IDE: variants seen among roughly 807,000 people sequenced by gnomAD.
The protein encoded by IDE is insulin-degrading enzyme.
In IDE, 58 loss-of-function variants were observed where a neutral mutation model predicts 133.2. That is an observed-to-expected ratio of 0.44 (90% CI 0.35 to 0.54). The LOEUF (loss-of-function observed/expected upper bound fraction) is 0.54, where lower values mean the gene tolerates loss of function less well. IDE is among the 20% of genes least tolerant of loss of function. The pLI, the probability that IDE is intolerant of heterozygous loss-of-function variation, is 0.00. For synonymous variants in IDE, 396 were observed against 421.3 expected (o/e 0.94, Z 0.73); for missense variants, 981 against 1,234.0 (o/e 0.79, Z 3.07).
intron 4 of IDE, among the ~76,000 whole-genome samples, chr10:92,524,149 T>G (rs556632813): frequency 7.2e-6 from 1 of 138,042 alleles, no homozygotes; most frequent in Non-Finnish European, 1.6e-5. Context: ...AAAATATCAT[T>G]CAATTCACAA....
chr10:92,567,488 C>T (rs74151654), intron 1 of IDE, among the ~76,000 whole-genome samples: 9,109 of 152,204 alleles, frequency 0.06, 377 homozygotes, highest in African/African-American at 0.098. Context: ...TCAGTCTCTG[C>T]CTGCGTTTCA....
intron 20 of IDE, 141 bp from the exon 21 acceptor site, chr10:92,464,144 C>A: frequency 1.3e-6 from 1 of 797,292 alleles, no homozygotes; most frequent in Non-Finnish European, 2.0e-6. Flanking sequence ...AATATGAGCA[C>A]TTAAGATGGT....
chr10:92,491,531 G>A (rs993927832), intron 11 of IDE, among the ~76,000 whole-genome samples: 2 of 152,026 alleles, frequency 1.3e-5, no homozygotes, highest in Admixed American at 6.6e-5. Context: ...TCTGCCTCCC[G>A]GGTTCAAGAA....
chr10:92,525,395 A>C (rs543417366), intron 4 of IDE, among the ~76,000 whole-genome samples: 1 of 152,376 alleles, frequency 6.6e-6, no homozygotes, highest in South Asian at 2.1e-4. Context: ...AACATATGTC[A>C]AAACAATAAA....
intron 9 of IDE, among the ~76,000 whole-genome samples, chr10:92,506,902 T>C (rs1848319594): frequency 6.6e-6 from 1 of 152,154 alleles, no homozygotes. Context: ...TGGTGACTCA[T>C]TCAGAGAACA....
chr10:92,526,305 A>T (rs886483267), intron 4 of IDE, among the ~76,000 whole-genome samples: 4 of 152,162 alleles, frequency 2.6e-5, no homozygotes, highest in African/African-American at 9.7e-5. Context: ...TACTATCCAA[A>T]GCTATCTACA....
intron 17 of IDE, among the ~76,000 whole-genome samples, chr10:92,472,941 A>ATT (rs535455118): frequency 1.2e-4 from 14 of 121,700 alleles, no homozygotes; most frequent in Non-Finnish European, 7.0e-5. Context: ...CCAGCCCAGA[A>ATT]TTTTTTTTTT....
rs1846724823 is a variant in IDE, at chr10:92,483,194, A to AC, written c.1739+60dup. ...CATGGATGTTTAAGAAGAACAGACA[A>AC]CTCCTGGAAACGTAATTGTTGATTT... On this transcript the variant is annotated intron_variant, in intron 14 of 24. Transcript: ENST00000265986. 4 of 813,514 alleles carry AC rather than the reference A, an allele frequency of 4.9e-6. No homozygotes were observed. The African/African-American group carries it at 6.9e-5, about 14-fold the overall frequency. 50.4% of individuals were successfully genotyped at this position (813,514 alleles called of 1,614,324 possible).
intron 1 of IDE, among the ~76,000 whole-genome samples, chr10:92,551,077 C>T (rs77514482): frequency 0.035 from 5,373 of 152,188 alleles, 360 homozygotes; most frequent in African/African-American, 0.12. Flanking sequence ...AGAAATGAAA[C>T]CAAAGACTCA....
intron 11 of IDE, among the ~76,000 whole-genome samples, chr10:92,495,282 G>A (rs10882069): frequency 0.094 from 13,875 of 146,898 alleles, 775 homozygotes; most frequent in South Asian, 0.17. Context: ...GTGCAGTGGC[G>A]CGATCTTGGC....
At chr10:92,468,498 A>T (rs1439707602) in intron 19 of IDE, among the ~76,000 whole-genome samples, 1 of 152,186 alleles carries the variant, frequency 6.6e-6, no homozygotes, top group Non-Finnish European at 1.5e-5. Flanking sequence ...GTTTCCTAAA[A>T]CTATTTCTGC....
At chr10:92,461,155 T>C in intron 22 of IDE, 36 bp downstream of exon 22, 1 of 1,023,862 alleles carries the variant, frequency 9.8e-7, no homozygotes, top group South Asian at 1.3e-5. Context: ...AATACTTTCA[T>C]ATCAGTCAAA....
At chr10:92,573,292 G>C (rs1034657075) in intron 1 of IDE, 1 of 517,804 alleles carries the variant, frequency 1.9e-6, no homozygotes, top group East Asian at 1.5e-4. Context: ...AGCTCCGGTT[G>C]TCTCCGACGT....
chr10:92,506,658 T>C, intron 9 of IDE, 136 bp from the exon 10 acceptor site: 1 of 479,644 alleles, frequency 2.1e-6, no homozygotes, highest in East Asian at 3.2e-5. Context: ...AAAAAATGGC[T>C]ATGCTTGATT....
At chr10:92,533,920 G>A (rs1273073988) in intron 3 of IDE, among the ~76,000 whole-genome samples, 2 of 152,090 alleles carry the variant, frequency 1.3e-5, no homozygotes, top group Non-Finnish European at 2.9e-5. Context: ...TTACTCGGGA[G>A]GCTGAGGCAG....
intron 22 of IDE, among the ~76,000 whole-genome samples, chr10:92,458,703 T>A (rs1271952015): frequency 6.6e-6 from 1 of 151,968 alleles, no homozygotes; most frequent in Non-Finnish European, 1.5e-5. Flanking sequence ...GGTTTCACCA[T>A]GTTGGTCAGG....
chr10:92,477,157 A>ATT (rs35637537), intron 15 of IDE, among the ~76,000 whole-genome samples: 6 of 149,332 alleles, frequency 4.0e-5, no homozygotes, highest in South Asian at 2.1e-4. Flanking sequence ...GGCTTAGCAC[A>ATT]TTTTTTTTTT....
At chr10:92,527,912 G>T (rs1281766364) in intron 4 of IDE, among the ~76,000 whole-genome samples, 1 of 152,136 alleles carries the variant, frequency 6.6e-6, no homozygotes, top group African/African-American at 2.4e-5. Flanking sequence ...ACTACTTGGG[G>T]AGCTGAGACA....
At chr10:92,510,259 C>T in intron 5 of IDE, 97 bp from the exon 6 acceptor site, 1 of 576,238 alleles carries the variant, frequency 1.7e-6, no homozygotes, top group Non-Finnish European at 3.1e-6. Context: ...AGTCTCAGTA[C>T]TACTGAAAGG....
Sources: allele counts gnomAD v4.1 joint callset (sites outside exome capture counted in the v4.1 genomes callset), GRCh38; gene constraint gnomAD v4.1.1; transcripts MANE v1.5; gene names NCBI Gene and HGNC (gene_info 2026-07-23, HGNC 2026-07-21).